The following PRKDC variants were observed in gnomAD, a reference collection of about 807,000 sequenced individuals.
PRKDC encodes the protein protein kinase, DNA-activated, catalytic subunit.
In PRKDC, 82 loss-of-function variants were observed where a neutral mutation model predicts 486.9. The observed-to-expected ratio is 0.17, with a 90% CI of 0.14 to 0.20. The LOEUF (loss-of-function observed/expected upper bound fraction) is 0.20, where lower values mean the gene tolerates loss of function less well. PRKDC is among the 10% of genes least tolerant of loss of function. The pLI is 1.00. For missense variants in PRKDC, 4,504 were observed against 5,038.2 expected, an observed-to-expected ratio of 0.89 and a Z score of 3.21; for synonymous variants, 1,895 against 1,837.0, an observed-to-expected ratio of 1.03 and a Z score of -0.81.
chr8:47,821,974 T>TAC (rs1181437765), intron 64 of PRKDC, among the ~76,000 whole-genome samples, 182 bp from the exon 65 acceptor site: 2 of 152,082 alleles, frequency 1.3e-5, no homozygotes, highest in Non-Finnish European at 2.9e-5. Context: ...AAAGGAATCC[T>TAC]ACAGTACTAA....
Position 47,820,735 on chromosome 8 carries a change from A to G in PRKDC, c.9320T>C (p.Ile3107Thr). 1 of 1,554,448 alleles carries G rather than the reference A, an allele frequency of 6.4e-7. No homozygotes were observed. The highest frequency in any genetic ancestry group is 1.4e-5 in the African/African-American group (1 of 73,520). The change falls in exon 66 of 86, where the codon ATT (isoleucine) becomes ACT (threonine). Residue 3107 changes from isoleucine (I) to threonine (T), a missense_variant. Ile to Thr is a moderately conservative substitution (Grantham distance 89, BLOSUM62 -1). This residue lies in a region of PRKDC where 1,592 missense variants were observed against 1,724.6 expected (regional missense o/e 0.92). Transcript: ENST00000314191. ...TAGTATTACCTGCATAAAACTCTGA[A>G]TGCCATTTTGAATGTAATATTTGGC... ...DRAKYYIQNG[I>T]QSFMQNYSSI...
chr8:47,893,079 C>G (rs2089496915), intron 31 of PRKDC, 60 bp downstream of exon 31: 1 of 1,476,140 alleles, frequency 6.8e-7, no homozygotes, highest in Non-Finnish European at 9.1e-7. Context: ...CTGGCAGAGC[C>G]ACTGCCCAGG....
Position 47,778,721 on chromosome 8 carries a change from T to C in PRKDC, c.11651+7A>G, listed in dbSNP as rs1187390053. ...CCCACTAAGGGTGAGGGCAGAAGGG[T>C]ACTTACTTTAAGAGATCAGCAGGCA... On this transcript the variant is annotated splice_region_variant and intron_variant, in intron 82 of 85. Transcript: ENST00000314191. 1.2e-6 allele frequency: 2 copies of C among 1,613,602 alleles called. No homozygotes were observed. Among genetic ancestry groups the C allele is most frequent in the East Asian group, 2.2e-5 (1 of 44,878 alleles).
Position 47,774,029 on chromosome 8 carries a change from T to G in PRKDC, c.*144A>C. On this transcript the variant is annotated 3_prime_UTR_variant, in exon 86 of 86. Transcript: ENST00000314191. ...ACACATTTACTCATCATAATCTTGA[T>G]TTAAACTCATGCTACGAAACTGTAG... The G allele has an allele frequency of 1.2e-6, 1 of 809,584 alleles. No individual in the cohort carries two copies. Among genetic ancestry groups the G allele is most frequent in the South Asian group, 2.0e-5 (1 of 50,460 alleles). 50.2% of individuals were successfully genotyped at this position (809,584 alleles called of 1,614,324 possible).
At chr8:47,918,553 T>A (rs1353636739) in intron 21 of PRKDC, among the ~76,000 whole-genome samples, 170 bp from the exon 22 acceptor site, 2 of 152,202 alleles carry the variant, frequency 1.3e-5, no homozygotes, top group African/African-American at 2.4e-5. Context: ...CTTTTAAACA[T>A]CACTGTCTGC....
At chr8:47,947,986 G>A (rs1026310222) in intron 7 of PRKDC, among the ~76,000 whole-genome samples, 2 of 151,786 alleles carry the variant, frequency 1.3e-5, no homozygotes, top group Non-Finnish European at 2.9e-5. Context: ...GGAGGACCAC[G>A]GTGGGAGCAT....
chr8:47,801,225 C>T (rs965478776), intron 70 of PRKDC, among the ~76,000 whole-genome samples: 1 of 152,118 alleles, frequency 6.6e-6, no homozygotes, highest in African/African-American at 2.4e-5. Flanking sequence ...GCTTGCACCA[C>T]CATGCCCGGC....
At chr8:47,893,413 G>GCA in intron 30 of PRKDC, 26 bp from the exon 31 acceptor site, 1 of 1,476,976 alleles carries the variant, frequency 6.8e-7, no homozygotes, top group Non-Finnish European at 9.0e-7. Flanking sequence ...AAATTAAAAT[G>GCA]CACACATATA....
At chr8:47,950,297 G>T (rs897580260) in intron 7 of PRKDC, among the ~76,000 whole-genome samples, 1 of 150,946 alleles carries the variant, frequency 6.6e-6, no homozygotes, top group African/African-American at 2.4e-5. Flanking sequence ...AAGTGATAAG[G>T]AAGAGCAAAG....
intron 7 of PRKDC, among the ~76,000 whole-genome samples, chr8:47,946,816 C>T (rs1002538587): frequency 3.3e-5 from 5 of 152,134 alleles, no homozygotes; most frequent in African/African-American, 7.2e-5. Context: ...ACAAAAAACC[C>T]GGTCTCTCCC....
intron 11 of PRKDC, among the ~76,000 whole-genome samples, chr8:47,936,964 C>T (rs1323551776): frequency 1.3e-5 from 2 of 150,460 alleles, no homozygotes; most frequent in African/African-American, 2.4e-5. Context: ...ATATAAAATA[C>T]AGTATCTGGC....
rs2154498990 is a variant in PRKDC at position 47,820,888 on chromosome 8, T to C, written c.9167A>G (p.Glu3056Gly). 3 of 1,610,128 alleles carry C rather than the reference T, an allele frequency of 1.9e-6. No individual in the cohort carries two copies. The South Asian group carries it at 3.3e-5, about 18-fold the overall frequency. The part of the protein sequence containing the change: ...RSKLKLLLQG[E>G]ADQSLLTFID... ...AAATGTCAGCAGGGACTGGTCAGCC[T>C]CTCCCTGGAGCAGCAGCTTCAGCTT... Residue 3056 changes from glutamate to glycine, a missense_variant, in exon 66 of 86, where the codon GAG becomes GGG. By Grantham distance (98) the Glu-to-Gly change is moderately conservative. Around this residue, in one of 6 missense-constraint regions of PRKDC, gnomAD observed 1,592 missense variants for 1,724.6 expected, o/e 0.92. Coordinates refer to ENST00000314191, the MANE Select transcript of PRKDC (RefSeq NM_006904.7).
chr8:47,799,868 A>G (rs1322086512), intron 71 of PRKDC, among the ~76,000 whole-genome samples: 1 of 152,212 alleles, frequency 6.6e-6, no homozygotes, highest in Non-Finnish European at 1.5e-5. Context: ...GGCACTAAAT[A>G]AAAATGCAGA....
intron 77 of PRKDC, among the ~76,000 whole-genome samples, chr8:47,784,465 A>G (rs2086757370): frequency 6.6e-6 from 1 of 152,204 alleles, no homozygotes; most frequent in African/African-American, 2.4e-5. Flanking sequence ...GTCATTATTA[A>G]TAACAAAGAA....
At chr8:47,879,894 G>A (rs942394730) in intron 38 of PRKDC, among the ~76,000 whole-genome samples, 10 of 141,928 alleles carry the variant, frequency 7.0e-5, no homozygotes, top group African/African-American at 2.7e-4. Flanking sequence ...AGGCTGGAGA[G>A]CAGTGGCATG....
intron 58 of PRKDC, 123 bp from the exon 59 acceptor site, chr8:47,834,519 G>T (rs913000540): frequency 2.0e-6 from 2 of 991,514 alleles, no homozygotes; most frequent in Non-Finnish European, 3.0e-6. Context: ...CCAACCCTGG[G>T]CAGAGGCTCT....
intron 21 of PRKDC, among the ~76,000 whole-genome samples, chr8:47,923,654 TG>T (rs1563805623): frequency 6.6e-6 from 1 of 152,210 alleles, no homozygotes; most frequent in Admixed American, 6.5e-5. Flanking sequence ...TTTAAAACCA[TG>T]GTACTTCAAA....
intron 68 of PRKDC, among the ~76,000 whole-genome samples, chr8:47,812,333 A>C (rs1433555897): frequency 1.3e-5 from 2 of 152,182 alleles, no homozygotes; most frequent in East Asian, 1.9e-4. Context: ...AATATACAAA[A>C]ATTTTCAAGT....
In PRKDC at chr8:47,855,385, C is replaced by A; in HGVS notation, c.6610-12G>T. On this transcript the variant is annotated splice_polypyrimidine_tract_variant and intron_variant, in intron 49 of 85. Transcript: ENST00000314191. ...TCTTTAGGGACCCCCTGAAAAGGTA[C>A]AGAAATTCTGTATTAATATGCGGCA... 1 of 1,579,520 alleles carries A rather than the reference C, an allele frequency of 6.3e-7. No individual in the cohort carries two copies. Among genetic ancestry groups the A allele is most frequent in the Non-Finnish European group, 8.6e-7 (1 of 1,163,300 alleles).
Sources: allele counts gnomAD v4.1 joint callset (sites outside exome capture counted in the v4.1 genomes callset), GRCh38; gene constraint gnomAD v4.1.1; regional missense constraint gnomAD v4.1.1; transcripts MANE v1.5; gene names NCBI Gene and HGNC (gene_info 2026-07-23, HGNC 2026-07-21).